The following BEND4 variants were observed in gnomAD, a reference collection of about 807,000 sequenced individuals.
The protein encoded by BEND4 is BEN domain containing 4, also known as BEN domain-containing protein 4.
In BEND4, 27 loss-of-function variants were observed where a neutral mutation model predicts 54.7. The ratio of observed to expected loss-of-function variants is 0.49; its 90% confidence interval spans 0.36 to 0.68. The LOEUF is 0.68. Among genes scored for constraint, BEND4 ranks in the 30% least tolerant of loss-of-function variants. BEND4 has a pLI of 0.00. For synonymous variants in BEND4, 327 were observed against 299.5 expected (o/e 1.09, Z -0.95); for missense variants, 702 against 697.2 (o/e 1.01, Z -0.08).
At position 42,117,615 on chromosome 4, in the gene BEND4, A is replaced by T. The variant is rs770567629; in HGVS notation, c.1508T>A (p.Phe503Tyr). 6.2e-7 allele frequency: 1 copy of T among 1,613,290 alleles called. No homozygotes were observed. The highest frequency in any genetic ancestry group is 8.5e-7 in the Non-Finnish European group (1 of 1,179,630). ...ATAAAATGAGCCACCGTTGTGCAGG[A>T]AAGTCCCCACCGCCCGCCCCTGTCG... ...HARQGRAVGT[F>Y]LHNGGSFYEG... Residue 503 changes from phenylalanine (F) to tyrosine (Y), a missense_variant, in exon 6 of 6, where the codon TTC becomes TAC. Transcript: ENST00000502486.
intron 3 of BEND4, among the ~76,000 whole-genome samples, chr4:42,129,765 G>C (rs962272373): frequency 6.6e-6 from 1 of 152,160 alleles, no homozygotes; most frequent in African/African-American, 2.4e-5. Flanking sequence ...CAGAATGGAT[G>C]AAAGACTTAA....
At position 42,152,015 on chromosome 4, in the gene BEND4, T is replaced by G; in HGVS notation, c.129A>C (p.Arg43=). The change falls in exon 2 of 6, where the codon CGA becomes CGC. Residue 43 remains arginine, a synonymous_variant. Transcript: ENST00000502486. ...CGTGCGGCAGCTCCACCAGGGTGGG[T>G]CGCTCGTAGCGCTTGGCCAGCGCCG... ...KRPALAKRYE[R]PTLVELPHVR... is the part of the protein sequence containing the mutation. 1 of 1,252,952 alleles carries G rather than the reference T, an allele frequency of 8.0e-7. No homozygotes were observed. Among genetic ancestry groups the G allele is most frequent in the Non-Finnish European group, 1.0e-6 (1 of 993,296 alleles). 77.6% of individuals were successfully genotyped at this position (1,252,952 alleles called of 1,614,324 possible).
intron 3 of BEND4, among the ~76,000 whole-genome samples, chr4:42,137,582 C>T (rs201134862): frequency 6.6e-6 from 1 of 152,078 alleles, no homozygotes; most frequent in East Asian, 1.9e-4. Flanking sequence ...GCTCGTACTA[C>T]AAGAACAACC....
chr4:42,148,729 T>A (rs909607033), intron 2 of BEND4, among the ~76,000 whole-genome samples: 3 of 152,244 alleles, frequency 2.0e-5, no homozygotes, highest in Non-Finnish European at 2.9e-5. Context: ...TTAAAGAGAA[T>A]GACCTATGCA....
intron 3 of BEND4, among the ~76,000 whole-genome samples, chr4:42,128,885 G>A (rs912917044): frequency 9.2e-5 from 14 of 151,726 alleles, no homozygotes; most frequent in African/African-American, 3.1e-4. Flanking sequence ...GCAGTGAGCC[G>A]AGACTGTGCC....
intron 3 of BEND4, among the ~76,000 whole-genome samples, chr4:42,132,178 TTC>T (rs1318820190): frequency 6.6e-6 from 1 of 152,140 alleles, no homozygotes. Context: ...TGTCCCTCGG[TTC>T]TGTTAACCTA....
In BEND4 at chr4:42,114,436, C is replaced by T. The variant is rs1407893823; in HGVS notation, c.*3082G>A. On this transcript the variant is annotated 3_prime_UTR_variant, in exon 6 of 6. Coordinates refer to ENST00000502486, the MANE Select transcript of BEND4 (RefSeq NM_207406.4). ...TTTGTTGTCAAGCCAGCCCCGTGAC[C>T]TCCTCCTCTCACCAATTAAGTGGGG... 1 of 152,188 alleles carries T rather than the reference C, an allele frequency of 6.6e-6. No individual in the cohort carries two copies. Among genetic ancestry groups the T allele is most frequent in the Non-Finnish European group, 1.5e-5 (1 of 68,072 alleles). The allele number at this position is 152,188 out of a possible 1,614,324, so 9.4% of individuals were successfully genotyped here.
chr4:42,118,672 C>T (rs149431452), intron 5 of BEND4, among the ~76,000 whole-genome samples: 8 of 152,278 alleles, frequency 5.3e-5, no homozygotes, highest in African/African-American at 1.9e-4. Context: ...AATGATACAG[C>T]GATGAGACCC....
Position 42,143,762 on chromosome 4 carries a change from T to C in BEND4, c.720A>G (p.Gln240=), listed in dbSNP as rs1299258525. The change falls in exon 3 of 6, where the codon CAA becomes CAG. Residue 240 remains glutamine, a synonymous_variant. Transcript: ENST00000502486. Reference sequence around the variant, plus strand: ...AAACCCTCAAAAAGGCAGAAGTTTGTTGTTTCCTTTGCATATACTGCATCT... The same window carrying C: ...AAACCCTCAAAAAGGCAGAAGTTTGCTGTTTCCTTTGCATATACTGCATCT... ...DIEMQYMQRK[Q]QTSAFLRVFT... is the part of the protein sequence containing the mutation. 3.1e-6 allele frequency: 5 copies of C among 1,613,728 alleles called. No homozygotes were observed. The highest frequency in any genetic ancestry group is 4.2e-6 in the Non-Finnish European group (5 of 1,179,782).
rs142738278 is a variant in BEND4, at chr4:42,126,816, G to A, written c.1055-1142C>T. On this transcript the variant is annotated intron_variant, in intron 3 of 5. Coordinates refer to ENST00000502486, the MANE Select transcript of BEND4 (RefSeq NM_207406.4). ...GCTTAAGCCCAGGAGTTGGAGACCT[G>A]CCTGGGCAATATAGCGAGACCCTGT... Among the ~76,000 whole-genome samples, 463 of 152,260 alleles carry A rather than the reference G, an allele frequency of 3.0e-3. 2 individuals carry two copies. The highest frequency in any genetic ancestry group is 4.7e-3 in the Non-Finnish European group (317 of 68,024).
At chr4:42,141,289 T>A (rs1365865440) in intron 3 of BEND4, among the ~76,000 whole-genome samples, 1 of 152,198 alleles carries the variant, frequency 6.6e-6, no homozygotes, top group East Asian at 1.9e-4. Flanking sequence ...AAGCCTCAGC[T>A]CTATTTGGAG....
rs772229771 is a variant in BEND4 at position 42,120,039 on chromosome 4, G to A, written c.1387+15C>T. On this transcript the variant is annotated intron_variant, in intron 5 of 5. Transcript: ENST00000502486. ...GAGATCACAGATGGTGACACTGAGC[G>A]GAAGGATGCAGTACCTCGGAGGCAT... is the stretch of plus-strand genomic sequence containing the variant. 81 of 1,613,716 alleles carry A rather than the reference G, an allele frequency of 5.0e-5. No individual in the cohort carries two copies. The Admixed American group carries it at 6.2e-4, about 12-fold the overall frequency.
chr4:42,131,328 T>C (rs1352850863), intron 3 of BEND4, among the ~76,000 whole-genome samples: 3 of 152,188 alleles, frequency 2.0e-5, no homozygotes, highest in Admixed American at 6.6e-5. Flanking sequence ...ATTATATGCA[T>C]AGAAAAGAGA....
At chr4:42,119,886 T>A in intron 5 of BEND4, 168 bp downstream of exon 5, 1 of 788,462 alleles carries the variant, frequency 1.3e-6, no homozygotes, top group Non-Finnish European at 2.1e-6. Context: ...CAAACGGAGG[T>A]TTTTAAAAGA....
intron 3 of BEND4, among the ~76,000 whole-genome samples, chr4:42,132,335 G>C (rs2153146024): frequency 6.6e-6 from 1 of 152,306 alleles, no homozygotes; most frequent in East Asian, 1.9e-4. Flanking sequence ...AGTGAGTCTT[G>C]GCTTTCAGCA....
chr4:42,122,691 C>A (rs968612443), intron 4 of BEND4, among the ~76,000 whole-genome samples: 24 of 152,140 alleles, frequency 1.6e-4, no homozygotes, highest in Non-Finnish European at 2.4e-4. Flanking sequence ...TGTAAATATT[C>A]GTCAGCCTTA....
intron 4 of BEND4, 139 bp from the exon 5 acceptor site, chr4:42,120,433 T>C: frequency 9.3e-7 from 1 of 1,079,650 alleles, no homozygotes; most frequent in South Asian, 1.6e-5. Context: ...AGTGCGCAAA[T>C]AATTGCTCAG....
chr4:42,151,680 C>T lies in BEND4; in HGVS notation c.464G>A (p.Ser155Asn), dbSNP rs1721290977. The change falls in exon 2 of 6, where the codon AGC becomes AAC. Residue 155 changes from serine to asparagine, a missense_variant. Physicochemically the swap from Ser to Asn is conservative, Grantham distance 46. Coordinates refer to ENST00000502486, the MANE Select transcript of BEND4 (RefSeq NM_207406.4). ...AAGTGGTGSDSASLELSAESR... is the reference protein window; with the variant it reads ...AAGTGGTGSDNASLELSAESR... ...ACCTGCGCTGAGCTCCAGGCTGGCG[C>T]TGTCGCTACCCGTGCCGCCGGTGCC... 2.7e-6 allele frequency: 4 copies of T among 1,500,354 alleles called. No individual in the cohort carries two copies. The highest frequency in any genetic ancestry group is 3.5e-6 in the Non-Finnish European group (4 of 1,127,348). 92.9% of individuals were successfully genotyped at this position (1,500,354 alleles called of 1,614,324 possible).
Position 42,124,117 on chromosome 4 carries a change from G to C in BEND4, c.1146+1466C>G, listed in dbSNP as rs545833068. Among the ~76,000 whole-genome samples the C allele has an allele frequency of 3.9e-5, 6 of 152,328 alleles. No individual in the cohort carries two copies. The East Asian group carries it at 1.2e-3, about 29-fold the overall frequency. On this transcript the variant is annotated intron_variant, in intron 4 of 5. Transcript: ENST00000502486. ...TGCCTGTAATCCCAACACTTTGGGA[G>C]GCTGAGGCAGGACAATCACTTGAGC...
Sources: gnomAD v4.1 joint callset for allele counts (sites outside exome capture counted in the v4.1 genomes callset) on GRCh38, gnomAD v4.1.1 for gene constraint, MANE v1.5 for transcripts, NCBI Gene and HGNC (gene_info 2026-07-23, HGNC 2026-07-21) for gene names.